BACE2: variants seen among roughly 807,000 people sequenced by gnomAD.
BACE2 encodes 56 kDa aspartic-like protease.
In BACE2, 17 loss-of-function variants were observed where a neutral mutation model predicts 46.2. That is an observed-to-expected ratio of 0.37 (90% CI 0.25 to 0.55). BACE2 has a LOEUF of 0.55. Among genes scored for constraint, BACE2 ranks in the 20% least tolerant of loss-of-function variants. The pLI is 0.82. For missense variants in BACE2, 595 were observed against 698.1 expected (o/e 0.85, Z 1.66); for synonymous variants, 277 against 295.9 (o/e 0.94, Z 0.66).
In BACE2 at chr21:41,282,072, C is replaced by G. The variant is rs998850843; in HGVS notation, c.*6448C>G. On this transcript the variant is annotated 3_prime_UTR_variant, in exon 9 of 9. Coordinates refer to ENST00000330333, the MANE Select transcript of BACE2 (RefSeq NM_012105.5). ...ACTCATTTTTTTCTTAAAGTTGATG[C>G]CTTTTCTGCTGTGCTAGAGTCAGTA... 3 of 152,144 alleles carry G rather than the reference C, an allele frequency of 2.0e-5. No homozygotes were observed. The highest frequency in any genetic ancestry group is 2.1e-4 in the South Asian group (1 of 4,824). 9.4% of individuals were successfully genotyped at this position (152,144 alleles called of 1,614,324 possible). A position where few individuals can be genotyped will look rare whatever the true frequency, so the allele number is the denominator to read the frequency against.
chr21:41,273,030 A>G (rs1441362775), intron 8 of BACE2, among the ~76,000 whole-genome samples: 1 of 152,314 alleles, frequency 6.6e-6, no homozygotes, highest in East Asian at 1.9e-4. Flanking sequence ...AAGACATCAC[A>G]TGTCGGCAGG....
At chr21:41,249,661 G>A (rs556046170) in intron 6 of BACE2, among the ~76,000 whole-genome samples, 8 of 152,226 alleles carry the variant, frequency 5.3e-5, no homozygotes, top group East Asian at 1.9e-4. Flanking sequence ...CCCAGCTCCC[G>A]CCTTTCTTCC....
At chr21:41,269,218 T>G (rs2088411179) in intron 8 of BACE2, among the ~76,000 whole-genome samples, 1 of 152,126 alleles carries the variant, frequency 6.6e-6, no homozygotes, top group South Asian at 2.1e-4. Flanking sequence ...CCTCCCAAAG[T>G]GCTGGGATTA....
chr21:41,254,799 A>G (rs949137070), intron 7 of BACE2, among the ~76,000 whole-genome samples: 1 of 152,240 alleles, frequency 6.6e-6, no homozygotes, highest in Non-Finnish European at 1.5e-5. Context: ...GCTGACCCAC[A>G]GATGCTGTCT....
Position 41,168,406 on chromosome 21 carries a change from G to A in BACE2, c.143G>A (p.Gly48Glu). The A allele has an allele frequency of 1.4e-6, 2 of 1,412,398 alleles. No individual in the cohort carries two copies. The highest frequency in any genetic ancestry group is 1.5e-5 in the South Asian group (1 of 64,712). The allele number at this position is 1,412,398 out of a possible 1,614,324, so 87.5% of individuals were successfully genotyped here. ...AACCGCGTAGTTGCGCCCACCCCGG[G>A]ACCCGGGACCCCTGCCGAGCGCCAC... ...ATNRVVAPTPGPGTPAERHAD... is the reference protein window; with the variant it reads ...ATNRVVAPTPEPGTPAERHAD... The change falls in exon 1 of 9, where the codon GGA (glycine) becomes GAA (glutamate). Residue 48 changes from glycine to glutamate, a missense_variant. Gly to Glu is a moderately conservative substitution (Grantham distance 98, BLOSUM62 -2). This residue lies in a region of BACE2 where 248 missense variants were observed against 261.4 expected (regional missense o/e 0.95). Transcript: ENST00000330333.
intron 7 of BACE2, 119 bp downstream of exon 7, chr21:41,251,020 C>A: frequency 9.5e-7 from 1 of 1,051,636 alleles, no homozygotes; most frequent in Non-Finnish European, 1.4e-6. Flanking sequence ...AATAATGCTG[C>A]AAAAGACAGC....
chr21:41,211,097 T>G (rs886085073), intron 1 of BACE2, among the ~76,000 whole-genome samples: 2 of 152,188 alleles, frequency 1.3e-5, no homozygotes, highest in Non-Finnish European at 2.9e-5. Flanking sequence ...TGAACACTGC[T>G]AAATGCTAAG....
At chr21:41,212,972 T>A (rs1236641743) in intron 1 of BACE2, among the ~76,000 whole-genome samples, 1 of 152,214 alleles carries the variant, frequency 6.6e-6, no homozygotes. Flanking sequence ...ACACATGATT[T>A]AGGAGTTTGG....
intron 1 of BACE2, among the ~76,000 whole-genome samples, chr21:41,223,143 C>T (rs1175288480): frequency 2.0e-5 from 3 of 152,134 alleles, no homozygotes; most frequent in East Asian, 1.9e-4. Context: ...CACTTGAGCC[C>T]GGGAGTTCAA....
intron 8 of BACE2, among the ~76,000 whole-genome samples, chr21:41,259,436 CCTTT>C (rs1045260592): frequency 2.4e-5 from 3 of 123,384 alleles, no homozygotes; most frequent in African/African-American, 7.7e-5. Flanking sequence ...AGCTATGCTG[CCTTT>C]CTTTTTTTTT....
At chr21:41,190,712 C>A (rs1470150315) in intron 1 of BACE2, among the ~76,000 whole-genome samples, 1 of 152,122 alleles carries the variant, frequency 6.6e-6, no homozygotes, top group Non-Finnish European at 1.5e-5. Context: ...GTTGTAGTTT[C>A]CCATTGATCT....
chr21:41,215,209 C>A (rs1206053320), intron 1 of BACE2, among the ~76,000 whole-genome samples: 1 of 152,300 alleles, frequency 6.6e-6, no homozygotes, highest in Middle Eastern at 3.4e-3. Context: ...GGATGCTTGA[C>A]CGCAAAGGGG....
rs1405659362 is a variant in BACE2 at position 41,259,982 on chromosome 21, C to T, written c.1303+2656C>T. Among the ~76,000 whole-genome samples, 5 of 151,828 alleles carry T rather than the reference C, an allele frequency of 3.3e-5. No homozygotes were observed. In the East Asian group the frequency reaches 7.8e-4, roughly 24 times the overall value. On this transcript the variant is annotated intron_variant, in intron 8 of 8. Coordinates refer to ENST00000330333, the MANE Select transcript of BACE2 (RefSeq NM_012105.5). ...GAGTAGCTGGGACTACAGGTGTGCA[C>T]CACTGCCCTAGATAATTTTTTGTAT...
At chr21:41,249,410 G>A (rs1283388667) in intron 6 of BACE2, among the ~76,000 whole-genome samples, 3 of 152,118 alleles carry the variant, frequency 2.0e-5, no homozygotes, top group African/African-American at 7.2e-5. Flanking sequence ...CTCAGGATTA[G>A]TGAGCCCCAC....
intron 1 of BACE2, chr21:41,179,575 C>T (rs753128506): frequency 1.6e-6 from 2 of 1,274,684 alleles, no homozygotes; most frequent in East Asian, 4.6e-5. Context: ...AGGGTGAGTG[C>T]ACATGTGTGG....
chr21:41,231,133 C>G (rs984460867), intron 2 of BACE2, among the ~76,000 whole-genome samples: 2 of 152,168 alleles, frequency 1.3e-5, no homozygotes, highest in African/African-American at 2.4e-5. Flanking sequence ...TCAATGAGGA[C>G]AGATATTTTT....
rs2088480484 is a variant in BACE2, at chr21:41,275,684, G to A, written c.*60G>A. On this transcript the variant is annotated 3_prime_UTR_variant, in exon 9 of 9. Transcript: ENST00000330333. ...AGCTATTAAGAAAATCACATTTCCA[G>A]GGCAGCAGCCGGGATCGATGGTGGC... The A allele has an allele frequency of 4.4e-6, 7 of 1,586,312 alleles. No homozygotes were observed. Among genetic ancestry groups the A allele is most frequent in the South Asian group, 2.3e-5 (2 of 88,480 alleles).
intron 1 of BACE2, among the ~76,000 whole-genome samples, chr21:41,206,155 T>C (rs1986114872): frequency 6.6e-6 from 1 of 152,208 alleles, no homozygotes; most frequent in Non-Finnish European, 1.5e-5. Flanking sequence ...TTTCTCTTAG[T>C]TCTGGAGACT....
intron 7 of BACE2, among the ~76,000 whole-genome samples, chr21:41,251,549 C>T (rs944016671): frequency 1.3e-5 from 2 of 152,180 alleles, no homozygotes; most frequent in African/African-American, 2.4e-5. Context: ...GCCTGTAATC[C>T]CAGCACTTTG....
Sources: allele counts gnomAD v4.1 joint callset (sites outside exome capture counted in the v4.1 genomes callset), GRCh38; gene constraint gnomAD v4.1.1; regional missense constraint gnomAD v4.1.1; transcripts MANE v1.5; gene names NCBI Gene and HGNC (gene_info 2026-07-23, HGNC 2026-07-21).